Variants in TBC1D4 observed in about 807,000 individuals in gnomAD.
TBC1D4 encodes the protein TBC (Tre-2, BUB2, CDC16) domain-containing protein.
In TBC1D4, 121 loss-of-function variants were observed where a neutral mutation model predicts 142.5. The observed-to-expected ratio is 0.85, with a 90% CI of 0.73 to 0.99. The LOEUF (loss-of-function observed/expected upper bound fraction) is 0.99. Among genes scored for constraint, TBC1D4 ranks in the 50% least tolerant of loss-of-function variants. The pLI is 0.00. For missense variants in TBC1D4, 1,475 were observed against 1,606.6 expected (o/e 0.92, Z 1.40); for synonymous variants, 630 against 628.2 (o/e 1.00, Z -0.04).
At position 75,302,330 on chromosome 13, in the gene TBC1D4, G is replaced by A; in HGVS notation, c.2824C>T (p.Pro942Ser). The A allele has an allele frequency of 1.2e-6, 2 of 1,614,130 alleles. No homozygotes were observed. The highest frequency in any genetic ancestry group is 1.7e-6 in the Non-Finnish European group (2 of 1,180,006). Residue 942 changes from proline to serine, a missense_variant, in exon 16 of 21, where the codon CCT becomes TCT. Pro to Ser is a moderately conservative substitution (Grantham distance 74). Coordinates refer to ENST00000377636, the MANE Select transcript of TBC1D4 (RefSeq NM_014832.5). ...ALQYRLRHRL[P>S]NKQQPPDISY... ...ATGTCAGGAGGCTGTTGTTTATTAG[G>A]CAATCTGTGTCTGAGTCGGTACTGT... is the stretch of plus-strand genomic sequence containing the variant.
rs150497316 is a variant in TBC1D4, at chr13:75,461,576, T to C, written c.498+19694A>G. On this transcript the variant is annotated intron_variant, in intron 1 of 20. Coordinates refer to ENST00000377636, the MANE Select transcript of TBC1D4 (RefSeq NM_014832.5). The stretch of plus-strand genomic sequence containing the variant: ...CCATGAAGCCACTGAAAGCAATGTT[T>C]AACTTGATTCAACCTGTAAATGTCA... Among the ~76,000 whole-genome samples the C allele has an allele frequency of 8.5e-4, 129 of 152,352 alleles. 1 individual carries two copies. The highest frequency in any genetic ancestry group is 2.7e-3 in the African/African-American group (111 of 41,586).
At chr13:75,312,164 A>T (rs1325683550) in intron 13 of TBC1D4, among the ~76,000 whole-genome samples, 1 of 152,180 alleles carries the variant, frequency 6.6e-6, no homozygotes, top group African/African-American at 2.4e-5. Context: ...ACTCAAAGAG[A>T]GCTGCCTGTG....
rs1005113753 is a variant in TBC1D4, at chr13:75,284,211, A to G, written c.*2581T>C. The stretch of plus-strand genomic sequence containing the variant: ...TTCATGGAAGACAATCTTTCCACAG[A>G]CTGGTGGCAGGGGATGGTTTCAGGA... On this transcript the variant is annotated 3_prime_UTR_variant, in exon 21 of 21. Coordinates refer to ENST00000377636, the MANE Select transcript of TBC1D4 (RefSeq NM_014832.5). Among the ~76,000 whole-genome samples, 2 of 152,114 alleles carry G rather than the reference A, an allele frequency of 1.3e-5. No homozygotes were observed. Among genetic ancestry groups the G allele is most frequent in the Non-Finnish European group, 2.9e-5 (2 of 68,016 alleles).
At chr13:75,324,523 G>T in intron 10 of TBC1D4, 122 bp from the exon 11 acceptor site, 1 of 1,173,232 alleles carries the variant, frequency 8.5e-7, no homozygotes, top group Non-Finnish European at 1.2e-6. Flanking sequence ...CAAGGCTCAG[G>T]GCTGGATCTT....
intron 16 of TBC1D4, 28 bp from the exon 17 acceptor site, chr13:75,299,602 T>C (rs1876312406): frequency 6.2e-7 from 1 of 1,613,126 alleles, no homozygotes; most frequent in Non-Finnish European, 8.5e-7. Flanking sequence ...GAAAATATTT[T>C]TTGAAATGTC....
chr13:75,298,545 G>T (rs1876183876), intron 17 of TBC1D4, among the ~76,000 whole-genome samples: 1 of 152,194 alleles, frequency 6.6e-6, no homozygotes, highest in South Asian at 2.1e-4. Flanking sequence ...GAGGTCAGGA[G>T]TTCAACACCA....
At chr13:75,334,499 T>G (rs1357140753) in intron 8 of TBC1D4, among the ~76,000 whole-genome samples, 3 of 152,140 alleles carry the variant, frequency 2.0e-5, no homozygotes, top group Non-Finnish European at 4.4e-5. Context: ...GTATATAAAA[T>G]TCATGATTTT....
At chr13:75,381,683 G>T (rs1883855039) in intron 1 of TBC1D4, among the ~76,000 whole-genome samples, 1 of 152,202 alleles carries the variant, frequency 6.6e-6, no homozygotes. Context: ...TGCAGGTTCA[G>T]TCAAATCAAG....
intron 1 of TBC1D4, among the ~76,000 whole-genome samples, chr13:75,406,919 T>C (rs1042199696): frequency 3.3e-5 from 5 of 152,176 alleles, no homozygotes; most frequent in Admixed American, 1.3e-4. Context: ...TTCAGATGCA[T>C]GTAGGATCTG....
chr13:75,305,881 T>C (rs1213342119), intron 15 of TBC1D4, among the ~76,000 whole-genome samples: 1 of 152,108 alleles, frequency 6.6e-6, no homozygotes, highest in Non-Finnish European at 1.5e-5. Context: ...AAGAAATGAA[T>C]GGATGAAAGA....
At chr13:75,459,796 AAAC>A (rs1356731227) in intron 1 of TBC1D4, among the ~76,000 whole-genome samples, 1 of 152,216 alleles carries the variant, frequency 6.6e-6, no homozygotes, top group East Asian at 1.9e-4. Flanking sequence ...AAAGACTTGA[AAAC>A]AACAACAAAA....
chr13:75,335,125 T>C (rs546665099), intron 8 of TBC1D4, among the ~76,000 whole-genome samples: 2 of 152,266 alleles, frequency 1.3e-5, no homozygotes, highest in East Asian at 3.9e-4. Context: ...ACTGTGGCTC[T>C]GACACCCGCA....
At chr13:75,312,423 A>AG (rs1324220038) in intron 13 of TBC1D4, among the ~76,000 whole-genome samples, 18 of 145,844 alleles carry the variant, frequency 1.2e-4, no homozygotes, top group East Asian at 1.1e-3. Context: ...TGGGAAAAAA[A>AG]AAAAGAAAGA....
At chr13:75,409,672 G>A (rs1282115749) in intron 1 of TBC1D4, among the ~76,000 whole-genome samples, 1 of 152,102 alleles carries the variant, frequency 6.6e-6, no homozygotes, top group African/African-American at 2.4e-5. Context: ...TAATTTTAAG[G>A]AACAAAAACA....
rs1340280368 is a variant in TBC1D4, at chr13:75,349,170, C to G, written c.1408G>C (p.Gly470Arg). The change falls in exon 5 of 21, where the codon GGT becomes CGT. Residue 470 changes from glycine to arginine, a missense_variant and splice_region_variant. Physicochemically the swap from Gly to Arg is moderately radical, Grantham distance 125. This residue lies in a region of TBC1D4 where 1,227 missense variants were observed against 1,267.7 expected (regional missense o/e 0.97). Coordinates refer to ENST00000377636, the MANE Select transcript of TBC1D4 (RefSeq NM_014832.5). ...SLHKLCERIE[G>R]LYPPRAKLVI... ...TTGCCAAAGCCACATTAAACTGTAC[C>G]TTCAATCCTTTCACAGAGCTTATGC... 7 of 1,613,992 alleles carry G rather than the reference C, an allele frequency of 4.3e-6. No individual in the cohort carries two copies. Among genetic ancestry groups the G allele is most frequent in the Middle Eastern group, 1.6e-4 (1 of 6,062 alleles).
At chr13:75,356,309 A>G in intron 3 of TBC1D4, 58 bp from the exon 4 acceptor site, 1 of 1,208,726 alleles carries the variant, frequency 8.3e-7, no homozygotes, top group South Asian at 1.3e-5. Flanking sequence ...TTTTTACTCA[A>G]CAATATGGAA....
chr13:75,433,766 C>T (rs926100508), intron 1 of TBC1D4, among the ~76,000 whole-genome samples: 1 of 152,094 alleles, frequency 6.6e-6, no homozygotes, highest in Non-Finnish European at 1.5e-5. Flanking sequence ...GCAAACTATG[C>T]ATCTGACAAA....
intron 1 of TBC1D4, among the ~76,000 whole-genome samples, chr13:75,381,590 C>G (rs182867694): frequency 1.3e-5 from 2 of 152,316 alleles, no homozygotes; most frequent in Admixed American, 1.3e-4. Context: ...GAACCCCCCA[C>G]CTTCAGTTGC....
At chr13:75,452,338 G>A (rs1887567108) in intron 1 of TBC1D4, among the ~76,000 whole-genome samples, 1 of 152,054 alleles carries the variant, frequency 6.6e-6, no homozygotes, top group Non-Finnish European at 1.5e-5. Flanking sequence ...GTATATGAAA[G>A]CTGCATGTAT....
Sources: allele counts gnomAD v4.1 joint callset (sites outside exome capture counted in the v4.1 genomes callset), GRCh38; gene constraint gnomAD v4.1.1; regional missense constraint gnomAD v4.1.1; transcripts MANE v1.5; gene names NCBI Gene and HGNC (gene_info 2026-07-23, HGNC 2026-07-21).